The following CSGALNACT1 variants were observed in gnomAD, a reference collection of about 807,000 sequenced individuals.
The protein encoded by CSGALNACT1 is chondroitin sulfate N-acetylgalactosaminyltransferase 1.
Under a neutral mutation model 51.0 loss-of-function variants are expected in CSGALNACT1, and 52 were observed. That is an observed-to-expected ratio of 1.02 (90% confidence interval 0.82 to 1.29). The LOEUF (loss-of-function observed/expected upper bound fraction) is 1.29, where lower values mean the gene tolerates loss of function less well. CSGALNACT1 is among the 50% of genes most tolerant of loss of function. CSGALNACT1 has a pLI of 0.00. For missense variants in CSGALNACT1, 935 were observed against 679.2 expected (o/e 1.38, Z -4.19); for synonymous variants, 341 against 254.4 (o/e 1.34, Z -3.24).
chr8:19,603,486 C>A (rs1428981022), upstream of CSGALNACT1, among the ~76,000 whole-genome samples: 1 of 152,202 alleles, frequency 6.6e-6, no homozygotes, highest in Admixed American at 6.5e-5. Context: ...CCTGGCCAAT[C>A]AATCTATGTC....
intron 1 of CSGALNACT1, among the ~76,000 whole-genome samples, chr8:19,755,470 A>AAAAAAAAAAAAAAAAAAAAAAAAC: frequency 1.3e-5 from 2 of 149,962 alleles, no homozygotes; most frequent in African/African-American, 2.4e-5. Flanking sequence ...AAAAAAAAAA[A>AAAAAAAAAAAAAAAAAAAAAAAAC]AAAAAAAAAA....
chr8:19,422,994 G>A (rs1462126189), intron 6 of CSGALNACT1, among the ~76,000 whole-genome samples: 1 of 152,122 alleles, frequency 6.6e-6, no homozygotes, highest in African/African-American at 2.4e-5. Context: ...CCATTATACA[G>A]GGATATCTTC....
chr8:19,479,766 A>G (rs575185223), intron 4 of CSGALNACT1, among the ~76,000 whole-genome samples: 1 of 124,938 alleles, frequency 8.0e-6, no homozygotes, highest in South Asian at 2.5e-4. Context: ...GACTTAGAAA[A>G]AAAAAAAAAA....
upstream of CSGALNACT1, among the ~76,000 whole-genome samples, chr8:19,687,006 G>C (rs539421651): frequency 6.6e-6 from 1 of 152,146 alleles, no homozygotes; most frequent in Non-Finnish European, 1.5e-5. Flanking sequence ...CCATATGCTA[G>C]GAAACACAAG....
chr8:19,404,607 AAT>A (rs3840719), exon 10 of CSGALNACT1: 554 of 171,844 alleles, frequency 3.2e-3, no homozygotes, highest in Middle Eastern at 4.3e-3. Flanking sequence ...GATCTTTCAC[AAT>A]ATATATATAT....
chr8:19,677,645 T>C (rs1342683724), intron 1 of CSGALNACT1, among the ~76,000 whole-genome samples: 1 of 152,138 alleles, frequency 6.6e-6, no homozygotes, highest in African/African-American at 2.4e-5. Flanking sequence ...GTGGATAGGT[T>C]TGTAAATTTA....
chr8:19,581,532 G>A (rs186480681), intron 3 of CSGALNACT1, among the ~76,000 whole-genome samples: 34 of 152,262 alleles, frequency 2.2e-4, no homozygotes, highest in African/African-American at 7.7e-4. Flanking sequence ...GCTTGAACCA[G>A]GGAGTCGGAG....
At chr8:19,437,290 G>A (rs976300938) in intron 6 of CSGALNACT1, among the ~76,000 whole-genome samples, 2 of 152,212 alleles carry the variant, frequency 1.3e-5, no homozygotes, top group South Asian at 4.2e-4. Flanking sequence ...CAAAAGAAGA[G>A]AATAATGGGA....
At chr8:19,680,662 T>C (rs35486444) in intron 1 of CSGALNACT1, among the ~76,000 whole-genome samples, 41,986 of 148,934 alleles carry the variant, frequency 0.28, 5,913 homozygotes, top group Admixed American at 0.34. Context: ...GTATTACAAG[T>C]AATCTAAGAG....
chr8:19,491,904 A>G (rs1436153385), intron 4 of CSGALNACT1, among the ~76,000 whole-genome samples: 1 of 152,236 alleles, frequency 6.6e-6, no homozygotes, highest in African/African-American at 2.4e-5. Flanking sequence ...CAATTTTTCA[A>G]GCATTGCAGT....
intron 3 of CSGALNACT1, among the ~76,000 whole-genome samples, chr8:19,583,819 C>A (rs1210499913): frequency 6.6e-6 from 1 of 152,206 alleles, no homozygotes; most frequent in Non-Finnish European, 1.5e-5. Flanking sequence ...GATTGCTCTG[C>A]AGTAACTGAG....
intron 1 of CSGALNACT1, among the ~76,000 whole-genome samples, chr8:19,718,571 T>C (rs2154238161): frequency 6.6e-6 from 1 of 152,362 alleles, no homozygotes; most frequent in Non-Finnish European, 1.5e-5. Context: ...ACTGTTTCTA[T>C]TTCATATGAA....
At chr8:19,641,536 G>A (rs573480951) in intron 1 of CSGALNACT1, among the ~76,000 whole-genome samples, 1 of 152,284 alleles carries the variant, frequency 6.6e-6, no homozygotes, top group East Asian at 1.9e-4. Flanking sequence ...GTCCACAGGA[G>A]TGGACACGAT....
chr8:19,656,600 CCACA>C (rs72048698), intron 1 of CSGALNACT1, among the ~76,000 whole-genome samples: 1 of 137,826 alleles, frequency 7.3e-6, no homozygotes, highest in Non-Finnish European at 1.6e-5. Context: ...CGCCCCCCCC[CCACA>C]CACACACACG....
chr8:19,630,211 T>C (rs868868261), intron 1 of CSGALNACT1, among the ~76,000 whole-genome samples: 303 of 136,140 alleles, frequency 2.2e-3, no homozygotes, highest in Non-Finnish European at 3.2e-3. Flanking sequence ...TGTGTGTGTG[T>C]GTGTGTGTGT....
chr8:19,610,483 G>C (rs915363336), intron 1 of CSGALNACT1, among the ~76,000 whole-genome samples: 1 of 151,934 alleles, frequency 6.6e-6, no homozygotes, highest in African/African-American at 2.4e-5. Flanking sequence ...AAACTCCCGA[G>C]ACCCCAGCAA....
At chr8:19,423,946 T>C (rs1237888512) in intron 6 of CSGALNACT1, among the ~76,000 whole-genome samples, 2 of 152,152 alleles carry the variant, frequency 1.3e-5, no homozygotes, top group African/African-American at 2.4e-5. Flanking sequence ...ATGTGGACCA[T>C]ATGGGGGCCG....
intron 6 of CSGALNACT1, among the ~76,000 whole-genome samples, chr8:19,439,452 C>T (rs918887760): frequency 3.3e-5 from 5 of 152,212 alleles, no homozygotes; most frequent in South Asian, 2.1e-4. Flanking sequence ...GTGGCTGAGA[C>T]GGAGCTCACT....
intron 3 of CSGALNACT1, among the ~76,000 whole-genome samples, chr8:19,569,078 T>A (rs2042468332): frequency 1.3e-5 from 2 of 152,316 alleles, no homozygotes; most frequent in South Asian, 4.1e-4. Flanking sequence ...CAATCAATTC[T>A]GATAATGTAG....
Sources: allele counts gnomAD v4.1 joint callset (sites outside exome capture counted in the v4.1 genomes callset), GRCh38; gene constraint gnomAD v4.1.1; transcripts MANE v1.5; gene names NCBI Gene and HGNC (gene_info 2026-07-23, HGNC 2026-07-21).